CSRNP3: variants seen among roughly 807,000 people sequenced by gnomAD.
The protein encoded by CSRNP3 is cysteine/serine-rich nuclear protein 3.
CSRNP3 carries 12 observed loss-of-function variants against 48.0 expected under a neutral mutation model. That is an observed-to-expected ratio of 0.25 (90% CI 0.16 to 0.41). The LOEUF is 0.41. CSRNP3 is among the 10% of genes least tolerant of loss of function. The pLI, the probability that CSRNP3 is intolerant of heterozygous loss-of-function variation, is 1.00. For synonymous variants in CSRNP3, 263 were observed against 269.7 expected (o/e 0.98, Z 0.24); for missense variants, 580 against 724.4 (o/e 0.80, Z 2.29).
intron 1 of CSRNP3, among the ~76,000 whole-genome samples, chr2:165,489,675 A>G: frequency 7.9e-6 from 1 of 126,218 alleles, no homozygotes; most frequent in Admixed American, 8.4e-5. Flanking sequence ...TCCAGCATAT[A>G]AACAGAGCCA....
At chr2:165,592,723 C>T (rs1259527965) in intron 3 of CSRNP3, among the ~76,000 whole-genome samples, 1 of 150,708 alleles carries the variant, frequency 6.6e-6, no homozygotes, top group Non-Finnish European at 1.5e-5. Flanking sequence ...AATGTGTTTG[C>T]TTCCCCTTCT....
At chr2:165,573,747 A>T (rs1685406171) in intron 3 of CSRNP3, among the ~76,000 whole-genome samples, 1 of 152,196 alleles carries the variant, frequency 6.6e-6, no homozygotes, top group African/African-American at 2.4e-5. Context: ...TTGTGTAGTG[A>T]CTAATATAAA....
intron 4 of CSRNP3, among the ~76,000 whole-genome samples, chr2:165,643,011 T>C (rs560099118): frequency 3.0e-4 from 45 of 152,146 alleles, no homozygotes; most frequent in African/African-American, 8.9e-4. Flanking sequence ...GATTATAGAG[T>C]GATTCTATTC....
intron 3 of CSRNP3, among the ~76,000 whole-genome samples, chr2:165,530,123 ATTTTTAAAGC>A (rs1684791922): frequency 6.6e-6 from 1 of 152,144 alleles, no homozygotes; most frequent in Admixed American, 6.5e-5. Flanking sequence ...GGGAGTAGTT[ATTTTTAAAGC>A]AAATGAAATT....
chr2:165,623,451 C>T (rs1686376523), intron 4 of CSRNP3, among the ~76,000 whole-genome samples: 1 of 152,178 alleles, frequency 6.6e-6, no homozygotes, highest in African/African-American at 2.4e-5. Flanking sequence ...ACCATCCCTC[C>T]CCAGTCCGTG....
chr2:165,583,470 A>G (rs1212237847), intron 3 of CSRNP3, among the ~76,000 whole-genome samples: 1 of 152,188 alleles, frequency 6.6e-6, no homozygotes, highest in Non-Finnish European at 1.5e-5. Flanking sequence ...AAAAGACCCC[A>G]GTGGGAGGAA....
intron 4 of CSRNP3, among the ~76,000 whole-genome samples, chr2:165,622,826 C>T (rs1047698308): frequency 6.6e-6 from 1 of 152,188 alleles, no homozygotes; most frequent in South Asian, 2.1e-4. Flanking sequence ...TTAAAATTCA[C>T]TAGCTTAAAA....
chr2:165,669,540 T>G (rs1687293992), intron 5 of CSRNP3, among the ~76,000 whole-genome samples: 1 of 152,194 alleles, frequency 6.6e-6, no homozygotes, highest in African/African-American at 2.4e-5. Flanking sequence ...TGGGTATCAT[T>G]CCACTGATTC....
chr2:165,661,683 C>T (rs73972130), intron 5 of CSRNP3, among the ~76,000 whole-genome samples: 2,098 of 152,210 alleles, frequency 0.014, 56 homozygotes, highest in African/African-American at 0.048. Flanking sequence ...GTCATTGGTA[C>T]GGAAAAGCAT....
intron 3 of CSRNP3, among the ~76,000 whole-genome samples, chr2:165,591,670 C>T (rs899219336): frequency 1.3e-5 from 2 of 152,116 alleles, no homozygotes; most frequent in African/African-American, 4.8e-5. Context: ...ACAGCTCAGG[C>T]CATTATTTTA....
intron 5 of CSRNP3, among the ~76,000 whole-genome samples, chr2:165,665,460 A>G (rs1687162571): frequency 6.6e-6 from 1 of 152,180 alleles, no homozygotes; most frequent in African/African-American, 2.4e-5. Context: ...TGTCTTAGAG[A>G]CAAAATAAGA....
chr2:165,587,484 G>C (rs1248697713), intron 3 of CSRNP3, among the ~76,000 whole-genome samples: 2 of 152,192 alleles, frequency 1.3e-5, no homozygotes, highest in Non-Finnish European at 2.9e-5. Flanking sequence ...ATGATCAAGG[G>C]GCAGACACCT....
chr2:165,552,904 G>A (rs1299235586), intron 3 of CSRNP3, among the ~76,000 whole-genome samples: 1 of 152,014 alleles, frequency 6.6e-6, no homozygotes, highest in Non-Finnish European at 1.5e-5. Flanking sequence ...ATGTTGGCAA[G>A]GCTGGTCTTG....
chr2:165,521,035 T>A (rs1203133107), intron 3 of CSRNP3, among the ~76,000 whole-genome samples: 1 of 151,328 alleles, frequency 6.6e-6, no homozygotes, highest in Admixed American at 6.6e-5. Flanking sequence ...TGCTTGTAGC[T>A]CAGGCTAGAA....
chr2:165,628,672 C>G (rs1686480837), intron 4 of CSRNP3, among the ~76,000 whole-genome samples: 1 of 152,046 alleles, frequency 6.6e-6, no homozygotes, highest in African/African-American at 2.4e-5. Context: ...TGCAGTGAGG[C>G]GAGATGGCGC....
chr2:165,654,885 C>T (rs1292862945), intron 4 of CSRNP3, among the ~76,000 whole-genome samples: 1 of 152,222 alleles, frequency 6.6e-6, no homozygotes, highest in African/African-American at 2.4e-5. Context: ...CTGTCTTGGC[C>T]TCCCAAAGTG....
rs1687504521 is a variant in CSRNP3 at position 165,679,888 on chromosome 2, G to T, written c.*135G>T. ...TGGTTAATCTTCCAGACTGTATTTTGTTTTTTCCTTTCTAGCCACATGACT... is the reference window on the plus strand; with the variant it reads ...TGGTTAATCTTCCAGACTGTATTTTTTTTTTTCCTTTCTAGCCACATGACT... On this transcript the variant is annotated 3_prime_UTR_variant, in exon 7 of 7. Coordinates refer to ENST00000651982, the MANE Select transcript of CSRNP3 (RefSeq NM_001172173.2). The T allele has an allele frequency of 7.8e-7, 1 of 1,288,434 alleles. No individual in the cohort carries two copies. Among genetic ancestry groups the T allele is most frequent in the Non-Finnish European group, 1.1e-6 (1 of 942,398 alleles). 79.8% of individuals were successfully genotyped at this position (1,288,434 alleles called of 1,614,324 possible).
At chr2:165,474,376 G>T (rs2105444002) in intron 1 of CSRNP3, among the ~76,000 whole-genome samples, 1 of 152,032 alleles carries the variant, frequency 6.6e-6, no homozygotes, top group South Asian at 2.1e-4. Context: ...AGTGGCTGGG[G>T]GATTGCAGGC....
intron 4 of CSRNP3, among the ~76,000 whole-genome samples, chr2:165,619,035 C>T (rs1686296045): frequency 6.6e-6 from 1 of 152,112 alleles, no homozygotes; most frequent in Non-Finnish European, 1.5e-5. Flanking sequence ...ATAAAACTGT[C>T]AGTCATGAAT....
Sources: gnomAD v4.1 joint callset for allele counts (sites outside exome capture counted in the v4.1 genomes callset) on GRCh38, gnomAD v4.1.1 for gene constraint, MANE v1.5 for transcripts, NCBI Gene and HGNC (gene_info 2026-07-23, HGNC 2026-07-21) for gene names.